Variants in PTK2 observed in about 807,000 individuals in gnomAD.
The protein encoded by PTK2 is protein tyrosine kinase 2.
A neutral mutation model predicts 150.1 loss-of-function variants in PTK2; 45 were observed. The ratio of observed to expected loss-of-function variants is 0.30; its 90% CI spans 0.24 to 0.38. The LOEUF (loss-of-function observed/expected upper bound fraction) is 0.38, where lower values mean the gene tolerates loss of function less well. PTK2 is among the 10% of genes least tolerant of loss of function. The pLI is 1.00. For missense variants in PTK2, 919 were observed against 1,307.3 expected (o/e 0.70, Z 4.58); for synonymous variants, 432 against 449.2 (o/e 0.96, Z 0.48).
intron 14 of PTK2, among the ~76,000 whole-genome samples, chr8:140,784,416 G>A (rs986904122): frequency 7.3e-5 from 11 of 151,666 alleles, no homozygotes; most frequent in Non-Finnish European, 1.3e-4. Context: ...CAAGGGCTTC[G>A]TTATTTTAGA....
chr8:140,817,061 C>T lies in PTK2; in HGVS notation c.867+1216G>A, dbSNP rs187630426. Among the ~76,000 whole-genome samples, 210 of 152,280 alleles carry T rather than the reference C, an allele frequency of 1.4e-3. 1 individual carries two copies. Among genetic ancestry groups the T allele is most frequent in the Non-Finnish European group, 1.6e-3 (106 of 68,014 alleles). On this transcript the variant is annotated intron_variant, in intron 10 of 31. Transcript: ENST00000522684. ...GCAAAGTAATTGCCCTTCACAGAAT[C>T]CCATCTGGCCCCCAGGGAGGAAGGG...
chr8:140,739,428 C>A (rs1310627004), intron 20 of PTK2, among the ~76,000 whole-genome samples: 1 of 152,044 alleles, frequency 6.6e-6, no homozygotes, highest in Non-Finnish European at 1.5e-5. Flanking sequence ...TAAGATTTCA[C>A]AATTTACAGA....
intron 27 of PTK2, among the ~76,000 whole-genome samples, chr8:140,681,873 G>A (rs1419516663): frequency 1.3e-5 from 2 of 152,212 alleles, no homozygotes; most frequent in African/African-American, 4.8e-5. Flanking sequence ...TTATGCTGGA[G>A]GTTGCAAATT....
chr8:140,888,839 T>C (rs375976646), intron 3 of PTK2, among the ~76,000 whole-genome samples: 4 of 152,212 alleles, frequency 2.6e-5, no homozygotes, highest in East Asian at 1.9e-4. Context: ...CTAGAGTTCA[T>C]TAGGGCTGAT....
chr8:140,935,120 T>C (rs1195034445), intron 1 of PTK2, among the ~76,000 whole-genome samples: 1 of 152,110 alleles, frequency 6.6e-6, no homozygotes, highest in East Asian at 1.9e-4. Context: ...AAGGGGGAGA[T>C]AGGAACAACT....
chr8:140,763,163 G>A (rs1036131084), intron 15 of PTK2, among the ~76,000 whole-genome samples: 3 of 152,120 alleles, frequency 2.0e-5, no homozygotes, highest in Admixed American at 6.5e-5. Flanking sequence ...GGCCTCTTTC[G>A]AGTAACTCTC....
At chr8:140,860,127 C>T (rs974298577) in intron 5 of PTK2, among the ~76,000 whole-genome samples, 2 of 152,178 alleles carry the variant, frequency 1.3e-5, no homozygotes, top group African/African-American at 4.8e-5. Flanking sequence ...ATACCTTCCA[C>T]ATCCATGAAC....
chr8:140,978,787 T>C (rs1005640697), intron 1 of PTK2, among the ~76,000 whole-genome samples: 18 of 137,340 alleles, frequency 1.3e-4, no homozygotes, highest in Admixed American at 2.9e-4. Context: ...CTATAAATCA[T>C]GCTGCTATAA....
At chr8:140,825,584 A>C (rs978355149) in intron 8 of PTK2, among the ~76,000 whole-genome samples, 3 of 152,196 alleles carry the variant, frequency 2.0e-5, no homozygotes, top group Non-Finnish European at 2.9e-5. Context: ...CTTGCTGCCT[A>C]ATTTAAGCTC....
intron 24 of PTK2, among the ~76,000 whole-genome samples, chr8:140,704,858 T>A (rs2154132191): frequency 6.6e-6 from 1 of 152,288 alleles, no homozygotes; most frequent in East Asian, 1.9e-4. Context: ...AAAAGAGTAC[T>A]TTATTTGTCT....
intron 14 of PTK2, among the ~76,000 whole-genome samples, chr8:140,784,773 C>A (rs2100083934): frequency 6.6e-6 from 1 of 152,170 alleles, no homozygotes; most frequent in African/African-American, 2.4e-5. Context: ...CAGGCAGGGA[C>A]ACATGTTGTT....
intron 1 of PTK2, among the ~76,000 whole-genome samples, chr8:140,951,725 A>T (rs1486153816): frequency 1.3e-5 from 2 of 151,900 alleles, no homozygotes; most frequent in East Asian, 1.9e-4. Context: ...CTACAAAAAA[A>T]TTTTTTTAAT....
At chr8:140,909,563 C>A (rs2100162276) in intron 2 of PTK2, 1 of 152,212 alleles carries the variant, frequency 6.6e-6, no homozygotes, top group Non-Finnish European at 1.5e-5. Flanking sequence ...CATTTAATAA[C>A]AAGGACTGTG....
At chr8:140,664,315 A>AT (rs2086260744) in intron 31 of PTK2, among the ~76,000 whole-genome samples, 1 of 152,084 alleles carries the variant, frequency 6.6e-6, no homozygotes, top group African/African-American at 2.4e-5. Context: ...TTATTTATTA[A>AT]TTTTTTGGTA....
chr8:140,723,554 G>GA (rs1392280954), intron 22 of PTK2, among the ~76,000 whole-genome samples: 1 of 152,194 alleles, frequency 6.6e-6, no homozygotes, highest in Non-Finnish European at 1.5e-5. Flanking sequence ...TAACAAACTA[G>GA]AATGTGCAGA....
intron 14 of PTK2, among the ~76,000 whole-genome samples, chr8:140,787,986 C>G (rs577935041): frequency 7.2e-5 from 11 of 152,312 alleles, no homozygotes; most frequent in African/African-American, 2.6e-4. Flanking sequence ...TGGTCTTTCT[C>G]TCTCCAACTA....
intron 1 of PTK2, among the ~76,000 whole-genome samples, chr8:140,983,658 T>TGAAGGAAGGAAGGAAGGAA (rs2100192249): frequency 1.6e-5 from 2 of 124,156 alleles, no homozygotes; most frequent in Non-Finnish European, 3.2e-5. Flanking sequence ...GAGAGGGAAG[T>TGAAGGAAGGAAGGAAGGAA]GAAGGAAGGA....
At chr8:140,779,092 C>T (rs1030861883) in intron 14 of PTK2, among the ~76,000 whole-genome samples, 24 of 151,614 alleles carry the variant, frequency 1.6e-4, no homozygotes, top group African/African-American at 5.1e-4. Context: ...GAAACCCCGT[C>T]GCTACTAAAA....
intron 1 of PTK2, among the ~76,000 whole-genome samples, chr8:140,965,633 T>C (rs560868560): frequency 6.6e-6 from 1 of 152,134 alleles, no homozygotes; most frequent in Non-Finnish European, 1.5e-5. Context: ...TTCCAGCACT[T>C]TGGGAGGCTA....
Sources: allele counts gnomAD v4.1 joint callset (sites outside exome capture counted in the v4.1 genomes callset), GRCh38; gene constraint gnomAD v4.1.1; transcripts MANE v1.5; gene names NCBI Gene and HGNC (gene_info 2026-07-23, HGNC 2026-07-21).